RGSL1: variants seen among roughly 807,000 people sequenced by gnomAD.
RGSL1 encodes regulator of G protein signaling protein-like.
RGSL1 carries 97 observed loss-of-function variants against 124.7 expected under a neutral mutation model. That is an observed-to-expected ratio of 0.78 (90% CI 0.66 to 0.92). The LOEUF (loss-of-function observed/expected upper bound fraction) is 0.92. RGSL1 is among the 40% of genes least tolerant of loss of function. The pLI is 0.00. For missense variants in RGSL1, 1,233 were observed against 1,288.4 expected, an observed-to-expected ratio of 0.96 and a Z score of 0.66; for synonymous variants, 424 against 438.1, an observed-to-expected ratio of 0.97 and a Z score of 0.40.
intron 5 of RGSL1, 55 bp downstream of exon 5, chr1:182,472,612 GT>G: frequency 6.9e-7 from 1 of 1,451,058 alleles, no homozygotes; most frequent in East Asian, 2.5e-5. Flanking sequence ...TAAATCCAGT[GT>G]CTGATAATCC....
At chr1:182,547,309 G>A (rs1319603543) in intron 15 of RGSL1, among the ~76,000 whole-genome samples, 1 of 152,158 alleles carries the variant, frequency 6.6e-6, no homozygotes, top group Non-Finnish European at 1.5e-5. Flanking sequence ...GGTTTCTTGG[G>A]AGACCCAAAA....
chr1:182,460,224 CTGTA>C lies in RGSL1; in HGVS notation c.301+95_301+98del, dbSNP rs899261933. 2.9e-5 allele frequency: 42 copies of C among 1,424,986 alleles called. No individual in the cohort carries two copies. In the African/African-American group the frequency reaches 4.1e-4, roughly 14 times the overall value. 88.3% of individuals were successfully genotyped at this position (1,424,986 alleles called of 1,614,324 possible). On this transcript the variant is annotated intron_variant, in intron 4 of 21. Coordinates refer to ENST00000294854, the MANE Select transcript of RGSL1 (RefSeq NM_001137669.2). ...GTCACACTTCATAATAATCTTATGC[CTGTA>C]TGTGTGTGTGTGTGTGTGTAGAAAT... is the stretch of plus-strand genomic sequence containing the variant.
intron 6 of RGSL1, among the ~76,000 whole-genome samples, chr1:182,478,922 G>C (rs1654491063): frequency 6.6e-6 from 1 of 152,182 alleles, no homozygotes; most frequent in South Asian, 2.1e-4. Flanking sequence ...CCAGGAGAGA[G>C]TGGGATGATA....
chr1:182,529,928 C>T lies in RGSL1; in HGVS notation c.2126-316C>T, dbSNP rs182876806. On this transcript the variant is annotated intron_variant, in intron 11 of 21. Transcript: ENST00000294854. The stretch of plus-strand genomic sequence containing the variant: ...TTAACTATAATCCTTTACCCTTCTG[C>T]TGTCTCTCTAAATCCAAGTTTTTCA... Among the ~76,000 whole-genome samples the T allele has an allele frequency of 2.9e-3, 441 of 152,280 alleles. 3 individuals are homozygous for T. Among genetic ancestry groups the T allele is most frequent in the South Asian group, 0.02 (95 of 4,828 alleles).
chr1:182,558,995 G>A (rs1400816945), intron 21 of RGSL1, among the ~76,000 whole-genome samples: 1 of 152,156 alleles, frequency 6.6e-6, no homozygotes, highest in Non-Finnish European at 1.5e-5. Context: ...ATGTATGAAC[G>A]CACAATCTGG....
intron 2 of RGSL1, among the ~76,000 whole-genome samples, chr1:182,455,888 G>T (rs967753052): frequency 6.6e-6 from 1 of 152,226 alleles, no homozygotes; most frequent in Non-Finnish European, 1.5e-5. Context: ...TGAAGTAAAG[G>T]AGTAACATGT....
chr1:182,461,937 C>G (rs1652871566), intron 4 of RGSL1, among the ~76,000 whole-genome samples: 1 of 151,958 alleles, frequency 6.6e-6, no homozygotes, highest in South Asian at 2.1e-4. Context: ...AAGAAAGGTG[C>G]AAAGAGAATA....
rs143354804 is a variant in RGSL1 at position 182,471,788 on chromosome 1, G to C, written c.302-608G>C. ...ACTGGCTTCTGTTCTATTGGGTCCA[G>C]TAGTTACTGGGTTCTGGGAGGCTGG... On this transcript the variant is annotated intron_variant, in intron 4 of 21. Transcript: ENST00000294854. 7.2e-5 allele frequency among the ~76,000 whole-genome samples: 11 copies of C among 152,292 alleles called. No individual in the cohort carries two copies. In the East Asian group the frequency reaches 2.1e-3, roughly 29 times the overall value.
chr1:182,488,396 G>A (rs1488413809), intron 7 of RGSL1, 49 bp downstream of exon 7: 10 of 1,459,906 alleles, frequency 6.8e-6, no homozygotes, highest in Non-Finnish European at 9.4e-6. Context: ...GAGGGAAGAA[G>A]AAAGAGTAAT....
upstream of RGSL1, among the ~76,000 whole-genome samples, chr1:182,449,722 C>T (rs1193152858): frequency 1.3e-5 from 2 of 152,130 alleles, no homozygotes; most frequent in Non-Finnish European, 2.9e-5. Flanking sequence ...GCCTTGAATT[C>T]CTGGGCTGAA....
chr1:182,530,730 T>C, intron 12 of RGSL1, 60 bp from the exon 13 acceptor site: 5 of 1,465,214 alleles, frequency 3.4e-6, no homozygotes, highest in Non-Finnish European at 4.5e-6. Flanking sequence ...TTGCCTGGAC[T>C]GTCATCTTTT....
rs551610689 is a variant in RGSL1 at position 182,450,383 on chromosome 1, C to T, written c.13+205C>T. On this transcript the variant is annotated intron_variant, in intron 1 of 21. Transcript: ENST00000294854. ...CCAGATCTTTGAGGATAGTACAGGGCCTTATTCATAAGACAACTAAGGCAA... is the reference window on the plus strand; with the variant it reads ...CCAGATCTTTGAGGATAGTACAGGGTCTTATTCATAAGACAACTAAGGCAA... The T allele has an allele frequency of 1.6e-5, 10 of 622,272 alleles. No homozygotes were observed. The East Asian group carries it at 2.2e-4, about 14-fold the overall frequency. 38.5% of individuals were successfully genotyped at this position (622,272 alleles called of 1,614,324 possible).
At chr1:182,515,088 A>G (rs1657760665) in intron 9 of RGSL1, among the ~76,000 whole-genome samples, 1 of 152,204 alleles carries the variant, frequency 6.6e-6, no homozygotes, top group Non-Finnish European at 1.5e-5. Flanking sequence ...CCCGAGTCCC[A>G]GCAACCATGG....
At chr1:182,491,932 AGCCT>A (rs1655557447) in intron 8 of RGSL1, among the ~76,000 whole-genome samples, 1 of 152,184 alleles carries the variant, frequency 6.6e-6, no homozygotes, top group South Asian at 2.1e-4. Flanking sequence ...TTGCTATCTC[AGCCT>A]CATTGTCTCA....
intron 9 of RGSL1, among the ~76,000 whole-genome samples, chr1:182,516,430 T>C (rs1657902662): frequency 6.6e-6 from 1 of 152,234 alleles, no homozygotes; most frequent in Admixed American, 6.5e-5. Flanking sequence ...AATTGCAGGA[T>C]TGAGCTCATT....
chr1:182,552,124 T>C (rs1229099353), intron 18 of RGSL1, among the ~76,000 whole-genome samples: 1 of 152,032 alleles, frequency 6.6e-6, no homozygotes, highest in Non-Finnish European at 1.5e-5. Flanking sequence ...GGAATTTTTT[T>C]TTTTTTTGAG....
At position 182,474,027 on chromosome 1, in the gene RGSL1, A is replaced by T. The variant is rs1654072416; in HGVS notation, c.916A>T (p.Ser306Cys). ...GGCTTCTTCAAAGGAAACAAGAATC[A>T]GTTCCCTGGAAAAGGATATGCATTA... Reference protein sequence around the residue: ...KMASSKETRISSLEKDMHYAK... With the variant: ...KMASSKETRICSLEKDMHYAK... The change falls in exon 6 of 22, where the codon AGT (serine) becomes TGT (cysteine). Residue 306 changes from serine to cysteine, a missense_variant. Transcript: ENST00000294854. The T allele has an allele frequency of 6.4e-7, 1 of 1,551,690 alleles. No homozygotes were observed. The highest frequency in any genetic ancestry group is 1.2e-5 in the South Asian group (1 of 84,070).
In RGSL1 at chr1:182,540,260, A is replaced by G. The variant is rs1446528493; in HGVS notation, c.2508A>G (p.Ala836=). The change falls in exon 15 of 22, where the codon GCA becomes GCG. Residue 836 remains alanine (A), a synonymous_variant. Coordinates refer to ENST00000294854, the MANE Select transcript of RGSL1 (RefSeq NM_001137669.2). ...MQNSKENFTT[A]HNTSGRSAPP... ...TTTCTCTCTCAGATTTCACCACAGC[A>G]CACAACACATCGGGACGTTCAGCTC... The G allele has an allele frequency of 1.3e-6, 2 of 1,550,032 alleles. No individual in the cohort carries two copies. The highest frequency in any genetic ancestry group is 2.4e-5 in the East Asian group (1 of 40,862).
At chr1:182,545,505 T>C (rs1299708454) in intron 15 of RGSL1, among the ~76,000 whole-genome samples, 1 of 152,224 alleles carries the variant, frequency 6.6e-6, no homozygotes, top group Admixed American at 6.5e-5. Flanking sequence ...ATGAGTTTTA[T>C]ACCTTCAAAG....
Sources: gnomAD v4.1 joint callset for allele counts (sites outside exome capture counted in the v4.1 genomes callset) on GRCh38, gnomAD v4.1.1 for gene constraint, MANE v1.5 for transcripts, NCBI Gene and HGNC (gene_info 2026-07-23, HGNC 2026-07-21) for gene names.